The following DHRSX variants were observed in gnomAD, a reference collection of about 807,000 sequenced individuals.
DHRSX encodes the protein dehydrogenase/reductase X-linked.
In DHRSX, 31 loss-of-function variants were observed where a neutral mutation model predicts 34.0. The observed-to-expected ratio is 0.91, with a 90% CI of 0.69 to 1.23. The LOEUF (loss-of-function observed/expected upper bound fraction) is 1.23. DHRSX is among the 50% of genes most tolerant of loss of function. The pLI is 0.00. For missense variants in DHRSX, 414 were observed against 428.1 expected (o/e 0.97, Z 0.29); for synonymous variants, 201 against 183.8 (o/e 1.09, Z -0.76).
At chrX:2,265,682 G>A (rs1489941619) in intron 5 of DHRSX, among the ~76,000 whole-genome samples, 383 of 58,136 alleles carry the variant, frequency 6.6e-3, no homozygotes, top group Middle Eastern at 0.028. Context: ...ACCAGTGCTC[G>A]GCAGACGCAG....
chrX:2,371,493 C>T (rs2043066607), intron 3 of DHRSX, among the ~76,000 whole-genome samples: 1 of 138,916 alleles, frequency 7.2e-6, no homozygotes, highest in South Asian at 2.4e-4. Flanking sequence ...CCTCCCGTTA[C>T]CGTAGACCCT....
intron 3 of DHRSX, among the ~76,000 whole-genome samples, chrX:2,338,649 C>T (rs989682323): frequency 2.0e-5 from 3 of 152,018 alleles, no homozygotes; most frequent in South Asian, 2.1e-4. Context: ...CCTGTCTCTT[C>T]GTGTGGTCTC....
chrX:2,296,174 C>T (rs1386234829), intron 3 of DHRSX, among the ~76,000 whole-genome samples: 1 of 152,112 alleles, frequency 6.6e-6, no homozygotes, highest in Non-Finnish European at 1.5e-5. Context: ...TTGGATGCTA[C>T]GTAACTTTGG....
At chrX:2,328,559 G>A (rs111976372) in intron 3 of DHRSX, among the ~76,000 whole-genome samples, 1 of 147,936 alleles carries the variant, frequency 6.8e-6, no homozygotes, top group African/African-American at 2.5e-5. Flanking sequence ...CACCTCATAA[G>A]AGGAGATGAG....
chrX:2,258,131 T>G (rs1172289901), intron 5 of DHRSX, among the ~76,000 whole-genome samples: 1 of 144,460 alleles, frequency 6.9e-6, no homozygotes, highest in Admixed American at 6.8e-5. Flanking sequence ...GCTCACACCT[T>G]GATCTCAGAC....
intron 3 of DHRSX, among the ~76,000 whole-genome samples, chrX:2,391,933 A>C (rs977926057): frequency 1.8e-4 from 28 of 152,260 alleles, no homozygotes; most frequent in African/African-American, 6.3e-4. Flanking sequence ...ACTAAAAGAA[A>C]AAAAAAGGAA....
rs867624179 is a variant in DHRSX at position 2,304,204 on chromosome X, A to G, written c.287-12601T>C. Among the ~76,000 whole-genome samples, 512 of 62,060 alleles carry G rather than the reference A, an allele frequency of 8.3e-3. 9 individuals carry two copies. The highest frequency in any genetic ancestry group is 0.024 in the East Asian group (36 of 1,474). The allele number at this position is 62,060 out of a possible 152,430, so 40.7% of individuals were successfully genotyped here. On this transcript the variant is annotated intron_variant, in intron 3 of 6. Transcript: ENST00000334651. ...GGATGGATGGATGGATGGATGGATA[A>G]ATGGATGGATGGATGGATGGATGGA...
intron 1 of DHRSX, among the ~76,000 whole-genome samples, chrX:2,462,041 C>G (rs1883820400): frequency 6.6e-6 from 1 of 152,114 alleles, no homozygotes; most frequent in Non-Finnish European, 1.5e-5. Context: ...CCACTCTGCT[C>G]TTTTGTGATA....
chrX:2,312,331 G>T (rs1480793731), intron 3 of DHRSX, among the ~76,000 whole-genome samples: 1 of 152,038 alleles, frequency 6.6e-6, no homozygotes, highest in African/African-American at 2.4e-5. Flanking sequence ...AGGGATGTTC[G>T]CTTCCCTAGA....
intron 5 of DHRSX, among the ~76,000 whole-genome samples, chrX:2,247,655 CAAAAAA>C (rs752111695): frequency 3.1e-5 from 3 of 96,940 alleles, no homozygotes; most frequent in Non-Finnish European, 4.2e-5. Context: ...CTCCGTCTCA[CAAAAAA>C]AAAAAAAAAA....
At chrX:2,485,535 G>GAGGGAACGGAGAGAAGGA in intron 1 of DHRSX, among the ~76,000 whole-genome samples, 1 of 143,040 alleles carries the variant, frequency 7.0e-6, no homozygotes, top group East Asian at 2.2e-4. Flanking sequence ...GGAAGGGAGG[G>GAGGGAACGGAGAGAAGGA]AGGGAGAAAA....
At chrX:2,314,640 G>GTTA (rs1197564760) in intron 3 of DHRSX, among the ~76,000 whole-genome samples, 2 of 151,908 alleles carry the variant, frequency 1.3e-5, no homozygotes, top group Non-Finnish European at 2.9e-5. Context: ...GTCTCATTAT[G>GTTA]TTATGCCAGA....
intron 5 of DHRSX, among the ~76,000 whole-genome samples, chrX:2,262,229 A>C (rs1243224599): frequency 6.6e-6 from 1 of 152,210 alleles, no homozygotes; most frequent in Non-Finnish European, 1.5e-5. Context: ...ACAATCCTGC[A>C]GTGAGCCCTG....
intron 1 of DHRSX, among the ~76,000 whole-genome samples, chrX:2,460,281 C>CA (rs1399132314): frequency 4.8e-5 from 7 of 146,942 alleles, no homozygotes; most frequent in African/African-American, 1.7e-4. Flanking sequence ...CTAACACACA[C>CA]CATGGCAGGG....
chrX:2,231,161 T>C (rs1414707196), intron 6 of DHRSX, among the ~76,000 whole-genome samples: 1 of 152,156 alleles, frequency 6.6e-6, no homozygotes, highest in African/African-American at 2.4e-5. Context: ...CACTTCTTTT[T>C]AGGGTGGCAG....
chrX:2,455,474 G>T (rs1479517951), intron 1 of DHRSX, among the ~76,000 whole-genome samples: 1 of 151,914 alleles, frequency 6.6e-6, no homozygotes, highest in Non-Finnish European at 1.5e-5. Flanking sequence ...TAGGCCGGGA[G>T]CAGTGATTCC....
intron 3 of DHRSX, among the ~76,000 whole-genome samples, chrX:2,318,212 C>G (rs2042263595): frequency 8.1e-6 from 1 of 124,152 alleles, no homozygotes; most frequent in Non-Finnish European, 1.8e-5. Flanking sequence ...AAAAAAAAAG[C>G]AGCTGGGTGT....
chrX:2,226,641 AAC>A (rs2015668260), intron 6 of DHRSX, among the ~76,000 whole-genome samples: 1 of 151,978 alleles, frequency 6.6e-6, no homozygotes, highest in African/African-American at 2.4e-5. Context: ...TCTACTAAAA[AAC>A]ACAAAAAATT....
At chrX:2,397,727 T>C (rs2043429663) in intron 3 of DHRSX, among the ~76,000 whole-genome samples, 1 of 152,170 alleles carries the variant, frequency 6.6e-6, no homozygotes, top group Non-Finnish European at 1.5e-5. Flanking sequence ...CGATAATCTT[T>C]TGGGTAATTA....
Sources: gnomAD v4.1 joint callset for allele counts (sites outside exome capture counted in the v4.1 genomes callset) on GRCh38, gnomAD v4.1.1 for gene constraint, MANE v1.5 for transcripts, NCBI Gene and HGNC (gene_info 2026-07-23, HGNC 2026-07-21) for gene names.